NKAIN2: variants seen among roughly 807,000 people sequenced by gnomAD.
The protein encoded by NKAIN2 is sodium/potassium transporting ATPase interacting 2.
A neutral mutation model predicts 32.6 loss-of-function variants in NKAIN2; 14 were observed. That is an observed-to-expected ratio of 0.43 (90% CI 0.28 to 0.67). NKAIN2 has a LOEUF of 0.67. Ranked by LOEUF, NKAIN2 falls within the 30% of genes least tolerant of loss-of-function variation. The pLI, the probability that NKAIN2 is intolerant of heterozygous loss-of-function variation, is 0.17. For missense variants in NKAIN2, 198 were observed against 258.3 expected, an observed-to-expected ratio of 0.77 and a Z score of 1.60; for synonymous variants, 80 against 87.2, an observed-to-expected ratio of 0.92 and a Z score of 0.46.
At chr6:124,714,963 G>A (rs1438093701) in intron 4 of NKAIN2, among the ~76,000 whole-genome samples, 1 of 152,158 alleles carries the variant, frequency 6.6e-6, no homozygotes, top group African/African-American at 2.4e-5. Context: ...GAGGAGCCTT[G>A]CCAGCTGTCC....
In NKAIN2 at chr6:124,635,701, A is replaced by G. The variant is rs139100802; in HGVS notation, c.274-22485A>G. 2.5e-3 allele frequency among the ~76,000 whole-genome samples: 381 copies of G among 152,212 alleles called. 1 individual carries two copies. The highest frequency in any genetic ancestry group is 0.017 in the Middle Eastern group (5 of 294). On this transcript the variant is annotated intron_variant, in intron 3 of 6. Coordinates refer to ENST00000368417, the MANE Select transcript of NKAIN2 (RefSeq NM_001040214.3). Reference sequence around the variant, plus strand: ...ATCATAAAATATTATAAAGAAGGTCATTGTATCATAATAAAGGGGTCAATT... The same window carrying G: ...ATCATAAAATATTATAAAGAAGGTCGTTGTATCATAATAAAGGGGTCAATT...
intron 1 of NKAIN2, among the ~76,000 whole-genome samples, chr6:123,815,467 G>C (rs1052691323): frequency 1.3e-5 from 2 of 152,218 alleles, no homozygotes; most frequent in East Asian, 3.9e-4. Flanking sequence ...AAATAATGAA[G>C]TTAATATTGT....
chr6:124,398,252 C>CAAAACAAAAAAAA (rs1773478141), intron 3 of NKAIN2, among the ~76,000 whole-genome samples: 1 of 69,092 alleles, frequency 1.4e-5, no homozygotes, highest in African/African-American at 7.7e-5. Context: ...GACTGCATCT[C>CAAAACAAAAAAAA]AAAAAAAAAA....
intron 1 of NKAIN2, among the ~76,000 whole-genome samples, chr6:124,027,119 T>C (rs2114775021): frequency 6.6e-6 from 1 of 151,674 alleles, no homozygotes; most frequent in East Asian, 1.9e-4. Context: ...ACTATTACTC[T>C]CAGGGGTTTA....
intron 3 of NKAIN2, among the ~76,000 whole-genome samples, chr6:124,555,915 C>A (rs1050696638): frequency 6.6e-6 from 1 of 152,138 alleles, no homozygotes; most frequent in African/African-American, 2.4e-5. Flanking sequence ...CACCACACCT[C>A]TAGTCTTTAT....
chr6:124,768,192 A>G (rs1013720547), intron 4 of NKAIN2, among the ~76,000 whole-genome samples: 1 of 152,220 alleles, frequency 6.6e-6, no homozygotes, highest in African/African-American at 2.4e-5. Context: ...TTAATAAACT[A>G]TGTAAATGTA....
intron 4 of NKAIN2, among the ~76,000 whole-genome samples, chr6:124,767,349 A>G (rs1778557935): frequency 6.6e-6 from 1 of 151,992 alleles, no homozygotes; most frequent in African/African-American, 2.4e-5. Flanking sequence ...CTTTTAAATG[A>G]CTGACAGGTA....
chr6:124,587,234 C>G (rs1781742709), intron 3 of NKAIN2, among the ~76,000 whole-genome samples: 1 of 151,990 alleles, frequency 6.6e-6, no homozygotes, highest in Admixed American at 6.6e-5. Flanking sequence ...AGGATCCAAA[C>G]TCCTCTTTTT....
chr6:124,772,777 T>A (rs915542806), intron 4 of NKAIN2, among the ~76,000 whole-genome samples: 9 of 152,134 alleles, frequency 5.9e-5, no homozygotes, highest in African/African-American at 1.9e-4. Context: ...TACTTAAAGT[T>A]CTGTTAACGA....
chr6:124,692,627 T>C (rs912388458), intron 4 of NKAIN2, among the ~76,000 whole-genome samples: 2 of 151,976 alleles, frequency 1.3e-5, no homozygotes, highest in African/African-American at 4.8e-5. Flanking sequence ...CCATCCTGGC[T>C]AACACAGTGA....
At chr6:124,044,341 A>T (rs1380908730) in intron 1 of NKAIN2, among the ~76,000 whole-genome samples, 2 of 151,978 alleles carry the variant, frequency 1.3e-5, no homozygotes, top group South Asian at 2.1e-4. Context: ...AAAACTGTGG[A>T]ATGTTTTCCA....
chr6:124,574,769 A>G (rs535419946), intron 3 of NKAIN2, among the ~76,000 whole-genome samples: 1 of 152,176 alleles, frequency 6.6e-6, no homozygotes, highest in Non-Finnish European at 1.5e-5. Flanking sequence ...CATTGCCTGA[A>G]TTTTCTCATC....
chr6:124,717,667 G>A lies in NKAIN2; in HGVS notation c.474+59281G>A, dbSNP rs568110342. 9.4e-4 allele frequency among the ~76,000 whole-genome samples: 143 copies of A among 151,996 alleles called. No individual in the cohort carries two copies. The Middle Eastern group carries it at 0.027, about 29-fold the overall frequency. On this transcript the variant is annotated intron_variant, in intron 4 of 6. Transcript: ENST00000368417. Reference sequence around the variant, plus strand: ...CAGAGTAAATAAAAACCATCCCTTCGTAATTATTGTGAAAGGAATAACACT... The same window carrying A: ...CAGAGTAAATAAAAACCATCCCTTCATAATTATTGTGAAAGGAATAACACT...
intron 3 of NKAIN2, among the ~76,000 whole-genome samples, chr6:124,411,678 A>G (rs1271890800): frequency 6.6e-6 from 1 of 152,092 alleles, no homozygotes; most frequent in Non-Finnish European, 1.5e-5. Flanking sequence ...GCTCTTCTCG[A>G]GGAGTATCTT....
chr6:123,930,779 T>G (rs989802024), intron 1 of NKAIN2, among the ~76,000 whole-genome samples: 6 of 152,138 alleles, frequency 3.9e-5, no homozygotes, highest in Non-Finnish European at 7.3e-5. Context: ...ACAGAGTAAG[T>G]GTAAGATGTC....
chr6:124,807,155 G>C (rs1188409824), intron 5 of NKAIN2, among the ~76,000 whole-genome samples: 1 of 152,018 alleles, frequency 6.6e-6, no homozygotes, highest in Non-Finnish European at 1.5e-5. Flanking sequence ...GACATCTACA[G>C]AACTCTCCAC....
intron 4 of NKAIN2, among the ~76,000 whole-genome samples, chr6:124,736,491 G>A (rs960173035): frequency 6.6e-6 from 1 of 151,902 alleles, no homozygotes; most frequent in African/African-American, 2.4e-5. Context: ...TCCATAGCTA[G>A]ACAGAAGTCA....
intron 4 of NKAIN2, among the ~76,000 whole-genome samples, chr6:124,663,137 T>C (rs1005611480): frequency 1.3e-5 from 2 of 152,198 alleles, no homozygotes; most frequent in Non-Finnish European, 2.9e-5. Flanking sequence ...TTAAAAGTTA[T>C]AGATTTTGGC....
At chr6:124,229,967 CT>C (rs1434706492) in intron 1 of NKAIN2, among the ~76,000 whole-genome samples, 1 of 152,102 alleles carries the variant, frequency 6.6e-6, no homozygotes, top group African/African-American at 2.4e-5. Flanking sequence ...GTGGAAGCAA[CT>C]GTGGAACTGG....
Sources: gnomAD v4.1 joint callset for allele counts (sites outside exome capture counted in the v4.1 genomes callset) on GRCh38, gnomAD v4.1.1 for gene constraint, MANE v1.5 for transcripts, NCBI Gene and HGNC (gene_info 2026-07-23, HGNC 2026-07-21) for gene names.